Variants in GTF3C2 observed in about 807,000 individuals in gnomAD.
GTF3C2 encodes the protein general transcription factor IIIC subunit 2.
Under a neutral mutation model 117.4 loss-of-function variants are expected in GTF3C2, and 17 were observed. The observed-to-expected ratio is 0.14, with a 90% CI of 0.10 to 0.22. The LOEUF (loss-of-function observed/expected upper bound fraction) is 0.22, where lower values mean the gene tolerates loss of function less well. Ranked by LOEUF, GTF3C2 falls within the 10% of genes least tolerant of loss-of-function variation. GTF3C2 has a pLI of 1.00. For synonymous variants in GTF3C2, 437 were observed against 427.0 expected, an observed-to-expected ratio of 1.02 and a Z score of -0.29; for missense variants, 888 against 1,143.6, an observed-to-expected ratio of 0.78 and a Z score of 3.22.
chr2:27,348,788 T>C (rs992030832), intron 1 of GTF3C2, among the ~76,000 whole-genome samples: 1 of 152,216 alleles, frequency 6.6e-6, no homozygotes, highest in African/African-American at 2.4e-5. Flanking sequence ...AGCAAGATGC[T>C]ATCTCAAAAG....
chr2:27,333,536 G>C, intron 12 of GTF3C2, 119 bp downstream of exon 12: 2 of 581,396 alleles, frequency 3.4e-6, no homozygotes, highest in South Asian at 2.7e-5. Flanking sequence ...TTTTTACATT[G>C]CTTGAATATT....
chr2:27,354,055 T>TAAAAA (rs11399437), intron 1 of GTF3C2, among the ~76,000 whole-genome samples: 9 of 117,154 alleles, frequency 7.7e-5, no homozygotes, highest in African/African-American at 2.6e-4. Flanking sequence ...AGCAAAACAT[T>TAAAAA]AAAAAAAAAA....
intron 17 of GTF3C2, 62 bp from the exon 18 acceptor site, chr2:27,327,346 G>A (rs956609493): frequency 4.5e-5 from 39 of 859,742 alleles, no homozygotes; most frequent in East Asian, 2.1e-4. Flanking sequence ...TTTTTAAGAC[G>A]GAGTCTCGCT....
intron 12 of GTF3C2, among the ~76,000 whole-genome samples, chr2:27,331,095 C>G (rs1398550685): frequency 6.6e-6 from 1 of 152,112 alleles, no homozygotes; most frequent in Non-Finnish European, 1.5e-5. Flanking sequence ...TATAGCCATG[C>G]AATATAAATA....
chr2:27,345,520 G>C (rs994291494), intron 1 of GTF3C2, among the ~76,000 whole-genome samples: 1 of 151,482 alleles, frequency 6.6e-6, no homozygotes, highest in Non-Finnish European at 1.5e-5. Context: ...TTGAACCCGT[G>C]GGGTGGAGGT....
At chr2:27,348,548 A>T (rs1490080543) in intron 1 of GTF3C2, among the ~76,000 whole-genome samples, 1 of 152,206 alleles carries the variant, frequency 6.6e-6, no homozygotes, top group Non-Finnish European at 1.5e-5. Context: ...TCATGCCTGT[A>T]TTCCCAGTAT....
intron 4 of GTF3C2, among the ~76,000 whole-genome samples, chr2:27,341,030 TTTG>T (rs1047090091): frequency 1.3e-5 from 2 of 150,500 alleles, no homozygotes; most frequent in African/African-American, 5.0e-5. Flanking sequence ...AATTGTGTGT[TTTG>T]TTTTGTTTTG....
rs573699100 is a variant in GTF3C2 at position 27,329,472 on chromosome 2, C to G, written c.1784G>C (p.Arg595Pro). Residue 595 changes from arginine (R) to proline (P), a missense_variant, in exon 13 of 19, where the codon CGG becomes CCG. Arg to Pro is a moderately radical substitution (Grantham distance 103). Transcript: ENST00000264720. This position sits in a 1 kb window ranked among gnomAD's most constrained non-coding sequence, Gnocchi z 4.5. Reference sequence around the variant, plus strand: ...GAGCTTTAAGGAGCCATCAGAGAGCCGTATCCGCTGCAGGGGTGAGTTAGT... The same window carrying G: ...GAGCTTTAAGGAGCCATCAGAGAGCGGTATCCGCTGCAGGGGTGAGTTAGT... The G allele has an allele frequency of 2.5e-6, 4 of 1,613,882 alleles. No individual in the cohort carries two copies. Among genetic ancestry groups the G allele is most frequent in the Non-Finnish European group, 3.4e-6 (4 of 1,179,894 alleles).
intron 17 of GTF3C2, 90 bp from the exon 18 acceptor site, chr2:27,327,374 G>A: frequency 6.4e-6 from 4 of 628,040 alleles, no homozygotes; most frequent in Non-Finnish European, 1.1e-5. Flanking sequence ...CCAGGCTGGA[G>A]TGCAGTGGCG....
At chr2:27,349,534 C>G (rs1681050104) in intron 1 of GTF3C2, among the ~76,000 whole-genome samples, 1 of 152,092 alleles carries the variant, frequency 6.6e-6, no homozygotes, top group African/African-American at 2.4e-5. Flanking sequence ...ATACAAAGAT[C>G]AACTAAAATG....
intron 1 of GTF3C2, among the ~76,000 whole-genome samples, chr2:27,348,883 C>CTGGA (rs1192729592): frequency 6.6e-6 from 1 of 152,202 alleles, no homozygotes; most frequent in African/African-American, 2.4e-5. Flanking sequence ...GTCACCCAGG[C>CTGGA]TGGAGTGCAG....
chr2:27,351,816 T>C (rs1172419354), intron 1 of GTF3C2, among the ~76,000 whole-genome samples: 1 of 152,196 alleles, frequency 6.6e-6, no homozygotes, highest in Non-Finnish European at 1.5e-5. Flanking sequence ...GGGTTCAAAG[T>C]GGGATCAGTC....
exon 19 of GTF3C2, chr2:27,325,997 A>G (rs1167741236): frequency 3.9e-6 from 1 of 253,220 alleles, no homozygotes; most frequent in Non-Finnish European, 8.0e-6. Context: ...ATACTCTCTG[A>G]CTTGATATAA....
intron 1 of GTF3C2, among the ~76,000 whole-genome samples, chr2:27,347,120 C>T (rs1680944074): frequency 6.6e-6 from 1 of 152,134 alleles, no homozygotes. Context: ...GACCACCAAA[C>T]CCGAAACCTA....
chr2:27,348,459 C>A (rs1348290725), intron 1 of GTF3C2, among the ~76,000 whole-genome samples: 1 of 151,630 alleles, frequency 6.6e-6, no homozygotes, highest in Non-Finnish European at 1.5e-5. Flanking sequence ...AACAAAAAAA[C>A]CGAAAACATG....
At chr2:27,336,355 G>A (rs1649655177) in exon 8 of GTF3C2, 1 of 1,613,454 alleles carries the variant, frequency 6.2e-7, no homozygotes, top group African/African-American at 1.3e-5. Flanking sequence ...CACCAGTCCA[G>A]AGCCCAGAGC....
At chr2:27,347,281 C>T (rs1680952014) in intron 1 of GTF3C2, among the ~76,000 whole-genome samples, 1 of 152,170 alleles carries the variant, frequency 6.6e-6, no homozygotes, top group African/African-American at 2.4e-5. Context: ...TCATCAGTCT[C>T]AGTGGAAAAG....
chr2:27,337,347 G>C lies in GTF3C2; in HGVS notation c.1029-5C>G. The C allele has an allele frequency of 1.3e-6, 2 of 1,595,584 alleles. No homozygotes were observed. Among genetic ancestry groups the C allele is most frequent in the Non-Finnish European group, 1.7e-6 (2 of 1,163,272 alleles). On this transcript the variant is annotated splice_polypyrimidine_tract_variant and splice_region_variant and intron_variant, in intron 6 of 18. Transcript: ENST00000264720. ...GGCAGGTAGGGAGCGGCCTCACTGG[G>C]GGAAGACAAAGGGAACAGTCTAAAT...
intron 4 of GTF3C2, chr2:27,340,062 A>T (rs1334314434): frequency 6.7e-6 from 1 of 150,352 alleles, no homozygotes; most frequent in Non-Finnish European, 1.5e-5. Flanking sequence ...CCCCTCCCAC[A>T]TCCCTCACCC....
Sources: allele counts gnomAD v4.1 joint callset (sites outside exome capture counted in the v4.1 genomes callset), GRCh38; gene constraint gnomAD v4.1.1; non-coding constraint Gnocchi (gnomAD v3.1); transcripts MANE v1.5; gene names NCBI Gene and HGNC (gene_info 2026-07-23, HGNC 2026-07-21).